The following HECW2 variants were observed in gnomAD, a reference collection of about 807,000 sequenced individuals.
HECW2 encodes the protein HECT, C2 and WW domain containing E3 ubiquitin protein ligase 2, also known as E3 ubiquitin-protein ligase HECW2.
In HECW2, 61 loss-of-function variants were observed where a neutral mutation model predicts 175.2. The ratio of observed to expected loss-of-function variants is 0.35; its 90% CI spans 0.28 to 0.43. The LOEUF is 0.43. Ranked by LOEUF, HECW2 falls within the 20% of genes least tolerant of loss-of-function variation. The pLI is 1.00. For synonymous variants in HECW2, 671 were observed against 731.0 expected (o/e 0.92, Z 1.32); for missense variants, 1,524 against 2,000.5 (o/e 0.76, Z 4.54).
chr2:196,438,347 T>C (rs1361354207), intron 1 of HECW2, among the ~76,000 whole-genome samples: 1 of 152,232 alleles, frequency 6.6e-6, no homozygotes, highest in Non-Finnish European at 1.5e-5. Context: ...AAAATTTTAA[T>C]AACATTTTAT....
At chr2:196,236,904 C>G (rs1688273124) in intron 21 of HECW2, among the ~76,000 whole-genome samples, 1 of 152,216 alleles carries the variant, frequency 6.6e-6, no homozygotes, top group African/African-American at 2.4e-5. Context: ...TTTGTTCCCC[C>G]TCTTTCCATA....
chr2:196,312,857 C>A (rs1413205004), intron 10 of HECW2, among the ~76,000 whole-genome samples: 1 of 152,150 alleles, frequency 6.6e-6, no homozygotes, highest in Non-Finnish European at 1.5e-5. Flanking sequence ...GAGTCCCTAA[C>A]CCTAAACATA....
chr2:196,325,670 T>C (rs1490421200), intron 5 of HECW2, among the ~76,000 whole-genome samples: 4 of 152,344 alleles, frequency 2.6e-5, no homozygotes, highest in African/African-American at 4.8e-5. Flanking sequence ...CTAAGTTTAA[T>C]TGGAGATGAA....
chr2:196,369,342 G>GTCTC (rs71410611), intron 2 of HECW2, among the ~76,000 whole-genome samples: 6,320 of 131,396 alleles, frequency 0.048, 186 homozygotes, highest in Middle Eastern at 0.12. Flanking sequence ...AACAAATGGA[G>GTCTC]TCTCTCTCTC....
intron 2 of HECW2, among the ~76,000 whole-genome samples, chr2:196,420,283 C>G: frequency 6.6e-6 from 1 of 152,134 alleles, no homozygotes; most frequent in Non-Finnish European, 1.5e-5. Flanking sequence ...TACTGTGAGG[C>G]AAGTCTGTAT....
At chr2:196,519,495 T>C (rs918514830) in intron 1 of HECW2, among the ~76,000 whole-genome samples, 2 of 152,230 alleles carry the variant, frequency 1.3e-5, no homozygotes, top group African/African-American at 4.8e-5. Context: ...AAATATGTAA[T>C]ATGAAATTCT....
intron 1 of HECW2, among the ~76,000 whole-genome samples, chr2:196,584,093 G>A (rs1465977810): frequency 6.6e-6 from 1 of 152,140 alleles, no homozygotes; most frequent in African/African-American, 2.4e-5. Flanking sequence ...TCCAGGAATG[G>A]CATATTCTTC....
At position 196,257,851 on chromosome 2, in the gene HECW2, T is replaced by C. The variant is rs760168855; in HGVS notation, c.3391A>G (p.Ser1131Gly). The C allele has an allele frequency of 5.1e-5, 82 of 1,613,978 alleles. No individual in the cohort carries two copies. The South Asian group carries it at 7.4e-4, about 14-fold the overall frequency. Residue 1131 changes from serine to glycine, a missense_variant, in exon 18 of 29, where the codon AGC becomes GGC. Ser to Gly is a moderately conservative substitution (Grantham distance 56, BLOSUM62 0). Coordinates refer to ENST00000644978, the MANE Select transcript of HECW2 (RefSeq NM_001348768.2). ...EGTPGLVRLS[S>G]DADLVMLLSL... is the part of the protein sequence containing the mutation. ...AGCAACATAACAAGGTCTGCATCGC[T>C]TGAAAGGCGCACCAATCCTGGAGTC...
At chr2:196,322,723 A>C in intron 6 of HECW2, 103 bp from the exon 7 acceptor site, 1 of 1,029,888 alleles carries the variant, frequency 9.7e-7, no homozygotes, top group Non-Finnish European at 1.4e-6. Context: ...TTCTAACAAC[A>C]TACAGAGTTC....
intron 2 of HECW2, among the ~76,000 whole-genome samples, chr2:196,370,113 C>G (rs1299142606): frequency 6.6e-6 from 1 of 152,006 alleles, no homozygotes; most frequent in Admixed American, 6.6e-5. Flanking sequence ...GCTGCCACAG[C>G]TGGGAATCTG....
intron 17 of HECW2, among the ~76,000 whole-genome samples, chr2:196,265,588 A>G (rs1689481977): frequency 6.6e-6 from 1 of 152,198 alleles, no homozygotes; most frequent in Non-Finnish European, 1.5e-5. Context: ...AATTTCAGGA[A>G]TAGTGGTTTT....
intron 1 of HECW2, among the ~76,000 whole-genome samples, chr2:196,501,383 T>G (rs999764710): frequency 6.6e-6 from 1 of 152,106 alleles, no homozygotes; most frequent in South Asian, 2.1e-4. Flanking sequence ...GCCCAGCTGA[T>G]TTTTGTATTT....
chr2:196,414,199 C>G (rs889842167), intron 2 of HECW2, among the ~76,000 whole-genome samples: 2 of 152,228 alleles, frequency 1.3e-5, no homozygotes, highest in African/African-American at 4.8e-5. Context: ...TTGAGCACAG[C>G]TGTCAGTTAG....
intron 17 of HECW2, among the ~76,000 whole-genome samples, chr2:196,265,452 C>T (rs1296788495): frequency 6.6e-6 from 1 of 152,174 alleles, no homozygotes; most frequent in African/African-American, 2.4e-5. Flanking sequence ...GCCCACTGCA[C>T]TCCAGCCTGG....
chr2:196,475,604 G>A (rs538381360), intron 1 of HECW2, among the ~76,000 whole-genome samples: 2 of 152,296 alleles, frequency 1.3e-5, no homozygotes, highest in East Asian at 3.9e-4. Flanking sequence ...CATCTTAGCA[G>A]TGACAAGATA....
chr2:196,492,037 C>T (rs2125388995), intron 1 of HECW2, among the ~76,000 whole-genome samples: 1 of 152,142 alleles, frequency 6.6e-6, no homozygotes, highest in African/African-American at 2.4e-5. Flanking sequence ...TGAGTGAACA[C>T]TTAAAATCTT....
intron 1 of HECW2, among the ~76,000 whole-genome samples, chr2:196,455,997 T>G (rs1559120087): frequency 6.6e-6 from 1 of 152,068 alleles, no homozygotes; most frequent in Non-Finnish European, 1.5e-5. Flanking sequence ...TAAAACAGCA[T>G]ATACATTTGG....
chr2:196,548,418 C>CA (rs1409473310), intron 1 of HECW2, among the ~76,000 whole-genome samples: 5 of 151,088 alleles, frequency 3.3e-5, no homozygotes. Flanking sequence ...AAAAAAACAC[C>CA]AAAAAAATAG....
intron 1 of HECW2, among the ~76,000 whole-genome samples, chr2:196,495,374 T>C (rs1357080388): frequency 6.6e-6 from 1 of 152,100 alleles, no homozygotes; most frequent in Admixed American, 6.5e-5. Context: ...TCATCACTCT[T>C]TATACTAGAA....
Sources: allele counts gnomAD v4.1 joint callset (sites outside exome capture counted in the v4.1 genomes callset), GRCh38; gene constraint gnomAD v4.1.1; transcripts MANE v1.5; gene names NCBI Gene and HGNC (gene_info 2026-07-23, HGNC 2026-07-21).